Variants in DLG1 observed in about 807,000 individuals in gnomAD.
DLG1 encodes discs large MAGUK scaffold protein 1.
A neutral mutation model predicts 123.4 loss-of-function variants in DLG1; 42 were observed. The ratio of observed to expected loss-of-function variants is 0.34; its 90% CI spans 0.27 to 0.44. DLG1 has a LOEUF of 0.44. Among genes scored for constraint, DLG1 ranks in the 20% least tolerant of loss-of-function variants. The probability of loss-of-function intolerance (pLI) is 1.00; values close to 1 mark genes in which losing one functional copy is unlikely to be tolerated. For synonymous variants in DLG1, 317 were observed against 356.2 expected (o/e 0.89, Z 1.24); for missense variants, 942 against 1,082.6 (o/e 0.87, Z 1.82).
chr3:197,131,580 CTTTCTTTTTT>C lies in DLG1; in HGVS notation c.1021-919_1021-910del, dbSNP rs1303380791. Reference sequence around the variant, plus strand: ...TCAGCAAATATAGTTTTATTTCTTCCTTTCTTTTTTTTTTTTTTTTTTTTTTTTTTTGAGA... The same window carrying C: ...TCAGCAAATATAGTTTTATTTCTTCCTTTTTTTTTTTTTTTTTTTTTGAGA... On this transcript the variant is annotated intron_variant, in intron 10 of 24. Transcript: ENST00000667157. 3.1e-4 allele frequency among the ~76,000 whole-genome samples: 38 copies of C among 120,726 alleles called. 1 individual carries two copies. Among genetic ancestry groups the C allele is most frequent in the South Asian group, 5.1e-4 (2 of 3,918 alleles). The allele number at this position is 120,726 out of a possible 152,430, so 79.2% of individuals were successfully genotyped here. A position where few individuals can be genotyped will look rare whatever the true frequency, so the allele number is the denominator to read the frequency against.
intron 3 of DLG1, among the ~76,000 whole-genome samples, chr3:197,295,318 C>G (rs1215747017): frequency 6.6e-6 from 1 of 152,176 alleles, no homozygotes; most frequent in Non-Finnish European, 1.5e-5. Flanking sequence ...ATGTACCTGA[C>G]AGGACACACT....
At chr3:197,262,316 A>G (rs374041789) in intron 4 of DLG1, among the ~76,000 whole-genome samples, 2 of 152,162 alleles carry the variant, frequency 1.3e-5, no homozygotes, top group South Asian at 4.1e-4. Context: ...TTGGGTTGGC[A>G]AAGGCAAGCT....
At chr3:197,243,332 T>C (rs974138216) in intron 4 of DLG1, among the ~76,000 whole-genome samples, 3 of 152,160 alleles carry the variant, frequency 2.0e-5, no homozygotes, top group African/African-American at 2.4e-5. Context: ...AAACTACTTA[T>C]GTAATAGAAC....
chr3:197,104,369 G>T lies in DLG1; in HGVS notation c.1546+534C>A, dbSNP rs114648037. Among the ~76,000 whole-genome samples, 790 of 152,220 alleles carry T rather than the reference G, an allele frequency of 5.2e-3. 6 individuals carry two copies. The highest frequency in any genetic ancestry group is 0.017 in the African/African-American group (701 of 41,534). ...GGTTTTGTGGGTTAAGCTTGTGGAT[G>T]CCAGTTCCCACATCATTAAAAAATA... On this transcript the variant is annotated intron_variant, in intron 14 of 24. Coordinates refer to ENST00000667157, the MANE Select transcript of DLG1 (RefSeq NM_001366207.1).
chr3:197,074,105 TATC>T (rs1283145094), intron 18 of DLG1, among the ~76,000 whole-genome samples: 1 of 152,160 alleles, frequency 6.6e-6, no homozygotes, highest in Non-Finnish European at 1.5e-5. Flanking sequence ...AACTGCCTTA[TATC>T]ATCTATTTTA....
At chr3:197,082,880 T>C (rs1752057212) in intron 16 of DLG1, among the ~76,000 whole-genome samples, 1 of 151,902 alleles carries the variant, frequency 6.6e-6, no homozygotes, top group African/African-American at 2.4e-5. Context: ...GAAAAAAAAA[T>C]CTCTCCAGTG....
At chr3:197,158,507 G>A (rs569153152) in intron 5 of DLG1, among the ~76,000 whole-genome samples, 175 of 150,354 alleles carry the variant, frequency 1.2e-3, no homozygotes, top group African/African-American at 4.1e-3. Flanking sequence ...GGTGGCACAT[G>A]CCTGTAATCC....
intron 19 of DLG1, among the ~76,000 whole-genome samples, chr3:197,068,187 T>C (rs181301882): frequency 4.9e-4 from 74 of 152,360 alleles, no homozygotes; most frequent in Admixed American, 4.2e-3. Context: ...TTTAAAGTAC[T>C]GGATGTGAAA....
chr3:197,184,148 A>G, intron 5 of DLG1: 1 of 1,054,708 alleles, frequency 9.5e-7, no homozygotes, highest in African/African-American at 1.7e-5. Flanking sequence ...ATGGATTGAA[A>G]TCCAGGAAGT....
chr3:197,226,109 T>C (rs987651161), intron 4 of DLG1: 8 of 152,262 alleles, frequency 5.3e-5, no homozygotes, highest in Admixed American at 1.3e-4. Flanking sequence ...GCATTCTTCA[T>C]TGTTTCCACC....
At chr3:197,218,663 A>G (rs1015604519) in intron 4 of DLG1, among the ~76,000 whole-genome samples, 9 of 152,238 alleles carry the variant, frequency 5.9e-5, no homozygotes, top group Admixed American at 2.6e-4. Context: ...ATTGATGGAT[A>G]GGCTATATTC....
chr3:197,113,381 G>A (rs1402614467), intron 13 of DLG1, among the ~76,000 whole-genome samples: 2 of 152,136 alleles, frequency 1.3e-5, no homozygotes, highest in Admixed American at 6.5e-5. Flanking sequence ...AAATGTGACT[G>A]TAGATTTGTC....
intron 13 of DLG1, among the ~76,000 whole-genome samples, chr3:197,109,504 T>C (rs1358724370): frequency 6.6e-6 from 1 of 152,388 alleles, no homozygotes; most frequent in Non-Finnish European, 1.5e-5. Flanking sequence ...TCAGTTGTTT[T>C]TAAAATCAGG....
At chr3:197,243,086 C>G (rs759279801) in intron 4 of DLG1, among the ~76,000 whole-genome samples, 2 of 152,198 alleles carry the variant, frequency 1.3e-5, no homozygotes, top group South Asian at 4.1e-4. Context: ...GCACACCAAA[C>G]AAAGGAAAGC....
intron 4 of DLG1, 144 bp downstream of exon 4, chr3:197,282,535 C>A: frequency 3.9e-6 from 2 of 510,582 alleles, no homozygotes; most frequent in Non-Finnish European, 6.2e-6. Context: ...TATTTTTAAC[C>A]CCATTCTCTT....
At chr3:197,122,998 A>G (rs1777234620) in intron 11 of DLG1, among the ~76,000 whole-genome samples, 1 of 152,168 alleles carries the variant, frequency 6.6e-6, no homozygotes, top group Non-Finnish European at 1.5e-5. Flanking sequence ...TCAATGAAAC[A>G]GAAGAGCCTA....
At chr3:197,088,051 T>C (rs931747621) in intron 15 of DLG1, among the ~76,000 whole-genome samples, 3 of 152,174 alleles carry the variant, frequency 2.0e-5, no homozygotes, top group African/African-American at 7.2e-5. Context: ...GATTCTTCTC[T>C]AAGGATATTT....
At position 197,282,686 on chromosome 3, in the gene DLG1, C is replaced by G; in HGVS notation, c.311G>C (p.Ser104Thr). The G allele has an allele frequency of 6.3e-7, 1 of 1,583,784 alleles. No individual in the cohort carries two copies. The highest frequency in any genetic ancestry group is 8.6e-7 in the Non-Finnish European group (1 of 1,169,566). ...ACACATTTTTTATCTCACCTCTACA[C>G]TAGGGCTAAGGCTGCTTGGCAGTGT... ...SETLPSSLSP[S>T]VEKYRYQDED... is the part of the protein sequence containing the mutation. The change falls in exon 4 of 25, where the codon AGT (serine) becomes ACT (threonine). Residue 104 changes from serine (S) to threonine (T), a missense_variant. Physicochemically the swap from Ser to Thr is moderately conservative, Grantham distance 58 (BLOSUM62 1). Coordinates refer to ENST00000667157, the MANE Select transcript of DLG1 (RefSeq NM_001366207.1).
At chr3:197,279,241 A>C (rs1336195942) in intron 4 of DLG1, among the ~76,000 whole-genome samples, 1 of 152,196 alleles carries the variant, frequency 6.6e-6, no homozygotes, top group Non-Finnish European at 1.5e-5. Context: ...TAAATCCCCA[A>C]ACATTCCAGG....
Sources: gnomAD v4.1 joint callset for allele counts (sites outside exome capture counted in the v4.1 genomes callset) on GRCh38, gnomAD v4.1.1 for gene constraint, MANE v1.5 for transcripts, NCBI Gene and HGNC (gene_info 2026-07-23, HGNC 2026-07-21) for gene names.